The following SKIC3 variants were observed in gnomAD, a reference collection of about 807,000 sequenced individuals.
SKIC3 encodes the protein superkiller complex protein 3.
chr5:95,477,811 A>C, the SKIC3 span, among the ~76,000 whole-genome samples: 5 of 152,164 alleles, frequency 3.3e-5, no homozygotes, highest in African/African-American at 4.8e-5. Context: ...CCACTTAAAC[A>C]TGTATCTTGA....
chr5:95,490,780 G>A, the SKIC3 span: 1 of 1,245,204 alleles, frequency 8.0e-7, no homozygotes, highest in African/African-American at 1.5e-5. Context: ...TTACAGGCGT[G>A]AGCCACCATG....
the SKIC3 span, among the ~76,000 whole-genome samples, chr5:95,496,263 C>G: frequency 6.6e-6 from 1 of 152,136 alleles, no homozygotes; most frequent in Non-Finnish European, 1.5e-5. Context: ...GGTAATCCCC[C>G]CTCCTTGGCC....
the SKIC3 span, among the ~76,000 whole-genome samples, chr5:95,539,252 GAAA>G: frequency 1.4e-5 from 2 of 146,888 alleles, no homozygotes; most frequent in African/African-American, 5.0e-5. Flanking sequence ...AAATTAGCAA[GAAA>G]AAAAAACAAC....
At chr5:95,494,860 A>G in the SKIC3 span, 2 of 1,596,706 alleles carry the variant, frequency 1.3e-6, no homozygotes, top group Non-Finnish European at 1.7e-6. Context: ...TGACTAAAAG[A>G]CTCTATTTGA....
At chr5:95,488,088 G>A in the SKIC3 span, among the ~76,000 whole-genome samples, 1 of 151,830 alleles carries the variant, frequency 6.6e-6, no homozygotes, top group Non-Finnish European at 1.5e-5. Flanking sequence ...TCAAGCAGAA[G>A]AGCCTCAGAA....
chr5:95,536,598 A>G, the SKIC3 span: 1 of 498,910 alleles, frequency 2.0e-6, no homozygotes, highest in East Asian at 3.4e-5. Flanking sequence ...CTGACTAACA[A>G]TAAATCTGGC....
the SKIC3 span, chr5:95,515,111 T>C: frequency 3.6e-6 from 2 of 550,530 alleles, no homozygotes; most frequent in Non-Finnish European, 3.3e-6. Flanking sequence ...GGAACACTCC[T>C]GGGTGCAACA....
the SKIC3 span, chr5:95,514,862 A>G: frequency 3.1e-6 from 5 of 1,612,198 alleles, 1 homozygote; most frequent in Non-Finnish European, 4.2e-6. Context: ...TACTTGTCCA[A>G]TCCAGCACAT....
the SKIC3 span, among the ~76,000 whole-genome samples, chr5:95,548,994 GATATAAAAAAT>G: frequency 1.3e-5 from 2 of 151,890 alleles, no homozygotes; most frequent in Non-Finnish European, 1.5e-5. Flanking sequence ...TGCTGTGCAC[GATATAAAAAAT>G]ATATAAAGAA....
At chr5:95,495,229 C>A in the SKIC3 span, 1 of 539,574 alleles carries the variant, frequency 1.9e-6, no homozygotes. Context: ...CTGTGACCAA[C>A]TCTACTTTCA....
the SKIC3 span, among the ~76,000 whole-genome samples, chr5:95,490,455 T>G: frequency 2.0e-5 from 3 of 147,008 alleles, no homozygotes; most frequent in African/African-American, 7.4e-5. Context: ...ATATATATAT[T>G]TAAATAATGT....
At chr5:95,543,796 C>G in the SKIC3 span, among the ~76,000 whole-genome samples, 1 of 152,250 alleles carries the variant, frequency 6.6e-6, no homozygotes, top group South Asian at 2.1e-4. Flanking sequence ...AGTAGATTCA[C>G]CCCAGTGCGA....
chr5:95,496,332 T>C, the SKIC3 span, among the ~76,000 whole-genome samples: 3 of 152,112 alleles, frequency 2.0e-5, no homozygotes, highest in Non-Finnish European at 2.9e-5. Context: ...TGCTAACAAA[T>C]TTTAATTTTA....
At chr5:95,545,642 TC>T in the SKIC3 span, among the ~76,000 whole-genome samples, 1 of 152,178 alleles carries the variant, frequency 6.6e-6, no homozygotes, top group Non-Finnish European at 1.5e-5. Flanking sequence ...AGAAACTGCT[TC>T]TTGCTCACAC....
At chr5:95,499,099 T>C in the SKIC3 span, among the ~76,000 whole-genome samples, 1 of 152,190 alleles carries the variant, frequency 6.6e-6, no homozygotes, top group East Asian at 1.9e-4. Flanking sequence ...ATCAATGACT[T>C]TTCACAGACC....
chr5:95,478,155 A>G, the SKIC3 span: 1 of 989,360 alleles, frequency 1.0e-6, no homozygotes, highest in East Asian at 2.6e-5. Flanking sequence ...CAAAATACAA[A>G]GTGTATCAAG....
chr5:95,490,453 A>G, the SKIC3 span, among the ~76,000 whole-genome samples: 1 of 147,122 alleles, frequency 6.8e-6, no homozygotes, highest in African/African-American at 2.5e-5. Context: ...GTATATATAT[A>G]TTTAAATAAT....
At chr5:95,472,031 T>C in the SKIC3 span, among the ~76,000 whole-genome samples, 3 of 152,224 alleles carry the variant, frequency 2.0e-5, no homozygotes, top group Non-Finnish European at 4.4e-5. Flanking sequence ...CATCTGCAGT[T>C]CCACTAATCT....
At chr5:95,517,258 G>A in the SKIC3 span, 1 of 1,613,318 alleles carries the variant, frequency 6.2e-7, no homozygotes, top group East Asian at 2.2e-5. Flanking sequence ...ACAGCATACA[G>A]ACAGGTACAA....
Sources: gnomAD v4.1 joint callset for allele counts (sites outside exome capture counted in the v4.1 genomes callset) on GRCh38, gnomAD v4.1.1 for gene constraint, MANE v1.5 for transcripts, NCBI Gene and HGNC (gene_info 2026-07-23, HGNC 2026-07-21) for gene names.